The following CDKN2B-AS1 variants were observed in gnomAD, a reference collection of about 807,000 sequenced individuals.
CDKN2B-AS1 encodes CDKN2B and CDKN2A antisense cis and trans regulatory RNA 1.
At chr9:22,051,653 A>G (rs1233427745) in intron 3 of CDKN2B-AS1, among the ~76,000 whole-genome samples, 1 of 152,284 alleles carries the variant, frequency 6.6e-6, no homozygotes, top group Non-Finnish European at 1.5e-5. Context: ...AGGTATTCAT[A>G]TAGGAACTAT....
At chr9:22,004,999 TTA>T (rs1465954259) in intron 1 of CDKN2B-AS1, 3 of 233,318 alleles carry the variant, frequency 1.3e-5, no homozygotes, top group Non-Finnish European at 2.5e-5. Context: ...GAGCCACTAG[TTA>T]TGTTACTTAA....
intron 3 of CDKN2B-AS1, among the ~76,000 whole-genome samples, chr9:22,054,140 A>G (rs1438110751): frequency 1.3e-5 from 2 of 152,176 alleles, no homozygotes; most frequent in East Asian, 3.8e-4. Flanking sequence ...TTTAATCCTC[A>G]CAACAATCCT....
intron 4 of CDKN2B-AS1, among the ~76,000 whole-genome samples, chr9:22,102,066 A>T (rs1443111399): frequency 1.3e-5 from 2 of 152,166 alleles, no homozygotes; most frequent in African/African-American, 4.8e-5. Context: ...TTGGTTTTTA[A>T]ACCAACACTT....
chr9:22,025,827 A>C (rs1822212325), intron 1 of CDKN2B-AS1, among the ~76,000 whole-genome samples: 2 of 152,184 alleles, frequency 1.3e-5, no homozygotes, highest in Admixed American at 1.3e-4. Flanking sequence ...TGCTTTCAAA[A>C]GTAGTCTTGC....
intron 4 of CDKN2B-AS1, among the ~76,000 whole-genome samples, chr9:22,122,704 G>A (rs1826126168): frequency 6.6e-6 from 1 of 152,092 alleles, no homozygotes; most frequent in Non-Finnish European, 1.5e-5. Flanking sequence ...TCAGGTGGTT[G>A]TAGATATGTG....
intron 1 of CDKN2B-AS1, among the ~76,000 whole-genome samples, chr9:22,017,915 C>A (rs1422306396): frequency 2.6e-5 from 4 of 152,060 alleles, no homozygotes; most frequent in African/African-American, 9.7e-5. Context: ...ATTTGTGTAT[C>A]CAGACTCTCT....
chr9:22,032,181 G>A (rs1263787860), intron 1 of CDKN2B-AS1, among the ~76,000 whole-genome samples: 1 of 152,118 alleles, frequency 6.6e-6, no homozygotes, highest in Non-Finnish European at 1.5e-5. Flanking sequence ...TTGTGATTCA[G>A]CTATACATAA....
At chr9:22,122,653 G>T (rs1284622391) in intron 4 of CDKN2B-AS1, among the ~76,000 whole-genome samples, 1 of 152,070 alleles carries the variant, frequency 6.6e-6, no homozygotes, top group South Asian at 2.1e-4. Flanking sequence ...TGAGGAGACT[G>T]TCCTTTACCC....
chr9:22,054,331 C>G (rs1436747839), intron 3 of CDKN2B-AS1, among the ~76,000 whole-genome samples: 1 of 152,162 alleles, frequency 6.6e-6, no homozygotes, highest in Non-Finnish European at 1.5e-5. Flanking sequence ...AAATCTAAAA[C>G]ACGTAAGACA....
chr9:22,063,806 G>A (rs752631434), intron 4 of CDKN2B-AS1: 14 of 152,438 alleles, frequency 9.2e-5, no homozygotes, highest in Non-Finnish European at 2.1e-4. Context: ...GAGCAGACGT[G>A]TGCAAGTGAG....
rs80003625 is a variant in CDKN2B-AS1, at chr9:22,114,038, A to G, written n.439-13065A>G. ...TCCTTTTAAAAGGATCCAACCACAT[A>G]TATCAACTGATATACATGGTACCAA... On this transcript the variant is annotated intron_variant and non_coding_transcript_variant, in intron 4 of 4. Transcript: ENST00000650946. 2.2e-3 allele frequency among the ~76,000 whole-genome samples: 334 copies of G among 152,286 alleles called. 2 individuals carry two copies. Among genetic ancestry groups the G allele is most frequent in the African/African-American group, 7.4e-3 (307 of 41,578 alleles).
chr9:22,050,611 A>G (rs571932516), intron 3 of CDKN2B-AS1, among the ~76,000 whole-genome samples: 2 of 152,286 alleles, frequency 1.3e-5, no homozygotes, highest in South Asian at 4.1e-4. Flanking sequence ...AATGCTTCCT[A>G]GGAGAGCAGT....
chr9:22,067,925 C>G (rs1294643286), intron 4 of CDKN2B-AS1, among the ~76,000 whole-genome samples: 1 of 152,146 alleles, frequency 6.6e-6, no homozygotes, highest in Admixed American at 6.5e-5. Context: ...CTCTCATTCT[C>G]TTCTCCCTAT....
intron 3 of CDKN2B-AS1, among the ~76,000 whole-genome samples, chr9:22,049,788 T>C (rs1229999987): frequency 1.3e-5 from 2 of 152,170 alleles, no homozygotes; most frequent in Non-Finnish European, 2.9e-5. Context: ...CTTTACAAGA[T>C]TGTAACTAAG....
At chr9:22,089,837 T>C (rs1261576886) in intron 4 of CDKN2B-AS1, among the ~76,000 whole-genome samples, 1 of 152,178 alleles carries the variant, frequency 6.6e-6, no homozygotes, top group African/African-American at 2.4e-5. Flanking sequence ...ATTCTTTTTT[T>C]TAATTATACT....
chr9:21,997,215 T>C lies in CDKN2B-AS1; in HGVS notation n.29+2054T>C, dbSNP rs538018210. On this transcript the variant is annotated intron_variant and non_coding_transcript_variant, in intron 1 of 4. Transcript: ENST00000650946. The surrounding 1 kb of genome is among the most constrained non-coding windows in gnomAD (Gnocchi z 4.8). ...TTACTATACTGAATACTGTAGATAA[T>C]TGTAACAAAATGTAGTTTTATATCT... Among the ~76,000 whole-genome samples, 24 of 152,178 alleles carry C rather than the reference T, an allele frequency of 1.6e-4. No individual in the cohort carries two copies. The highest frequency in any genetic ancestry group is 2.6e-4 in the Non-Finnish European group (18 of 68,022).
chr9:22,071,325 A>T (rs1487614441), intron 4 of CDKN2B-AS1, among the ~76,000 whole-genome samples: 4 of 98,918 alleles, frequency 4.0e-5, no homozygotes, highest in South Asian at 3.4e-4. Context: ...TTAGACACGG[A>T]GTCTTGCTCT....
At chr9:22,090,692 A>C (rs1341531273) in intron 4 of CDKN2B-AS1, among the ~76,000 whole-genome samples, 1 of 151,830 alleles carries the variant, frequency 6.6e-6, no homozygotes, top group Non-Finnish European at 1.5e-5. Flanking sequence ...TTTCTTGTAA[A>C]TTTGTTTGAG....
At chr9:22,041,048 TC>T (rs1460942244) in intron 1 of CDKN2B-AS1, among the ~76,000 whole-genome samples, 1 of 151,994 alleles carries the variant, frequency 6.6e-6, no homozygotes, top group Non-Finnish European at 1.5e-5. Context: ...TTTGTACCAC[TC>T]CCTCTCTCAC....
Sources: allele counts gnomAD v4.1 joint callset (sites outside exome capture counted in the v4.1 genomes callset), GRCh38; gene constraint gnomAD v4.1.1; non-coding constraint Gnocchi (gnomAD v3.1); transcripts MANE v1.5; gene names NCBI Gene and HGNC (gene_info 2026-07-23, HGNC 2026-07-21).